KCNH1: variants seen among roughly 807,000 people sequenced by gnomAD.
The protein encoded by KCNH1 is voltage-gated delayed rectifier potassium channel KCNH1.
Under a neutral mutation model 69.2 loss-of-function variants are expected in KCNH1, and 27 were observed. That is an observed-to-expected ratio of 0.39 (90% CI 0.29 to 0.54). KCNH1 has a LOEUF of 0.54. Ranked by LOEUF, KCNH1 falls within the 20% of genes least tolerant of loss-of-function variation. The pLI, the probability that KCNH1 is intolerant of heterozygous loss-of-function variation, is 0.68. For synonymous variants in KCNH1, 456 were observed against 487.7 expected (o/e 0.93, Z 0.86); for missense variants, 798 against 1,261.6 (o/e 0.63, Z 5.57).
At chr1:210,868,582 A>T (rs1282020164) in intron 7 of KCNH1, among the ~76,000 whole-genome samples, 1 of 152,032 alleles carries the variant, frequency 6.6e-6, no homozygotes, top group Non-Finnish European at 1.5e-5. Context: ...GTTGAAGTTC[A>T]TTTTTTGTAT....
At chr1:211,128,166 G>A (rs1691814859) in intron 1 of KCNH1, among the ~76,000 whole-genome samples, 2 of 151,782 alleles carry the variant, frequency 1.3e-5, no homozygotes, top group African/African-American at 2.4e-5. Context: ...GTGCACACCT[G>A]TAATCCCAGC....
At chr1:210,984,285 C>T (rs2102381430) in intron 6 of KCNH1, among the ~76,000 whole-genome samples, 1 of 152,246 alleles carries the variant, frequency 6.6e-6, no homozygotes, top group South Asian at 2.1e-4. Flanking sequence ...TGCCTGATTG[C>T]CCTGGCCAGA....
chr1:210,896,068 T>C (rs1686859954), intron 7 of KCNH1, among the ~76,000 whole-genome samples: 1 of 152,198 alleles, frequency 6.6e-6, no homozygotes, highest in Non-Finnish European at 1.5e-5. Context: ...TAGGAGGTTT[T>C]ATACCAACAA....
intron 10 of KCNH1, among the ~76,000 whole-genome samples, chr1:210,703,913 C>T (rs578000259): frequency 3.9e-5 from 6 of 152,290 alleles, no homozygotes; most frequent in African/African-American, 1.4e-4. Flanking sequence ...AATTCAGGCA[C>T]CAGCAAGGGG....
rs189231068 is a variant in KCNH1 at position 210,698,134 on chromosome 1, G to T, written c.2113-13996C>A. On this transcript the variant is annotated intron_variant, in intron 10 of 10. Coordinates refer to ENST00000271751, the MANE Select transcript of KCNH1 (RefSeq NM_172362.3). ...CTTAAGTATTTCAGTTGACCTAAAG[G>T]TTGAAAGCAGTTAAGGATCTGGACA... 3.5e-3 allele frequency among the ~76,000 whole-genome samples: 540 copies of T among 152,282 alleles called. 9 individuals are homozygous for T. The highest frequency in any genetic ancestry group is 0.013 in the African/African-American group (523 of 41,560).
chr1:211,014,371 T>C (rs1689454788), intron 6 of KCNH1, among the ~76,000 whole-genome samples: 1 of 152,162 alleles, frequency 6.6e-6, no homozygotes, highest in Non-Finnish European at 1.5e-5. Flanking sequence ...CTCCGAACAT[T>C]TTAACTAATG....
In KCNH1 at chr1:211,107,365, A is replaced by G; in HGVS notation, c.92T>C (p.Val31Ala). 1 of 1,596,052 alleles carries G rather than the reference A, an allele frequency of 6.3e-7. No homozygotes were observed. The highest frequency in any genetic ancestry group is 8.5e-7 in the Non-Finnish European group (1 of 1,174,538). ...IVRRSNDTNF[V>A]LGNAQIVDWP... ...GTCCACTATCTGAGCATTCCCCAAC[A>G]CAAAATTAGTATCTGTTAAAAAAAA... The change falls in exon 2 of 11, where the codon GTG (valine) becomes GCG (alanine). Residue 31 changes from valine to alanine, a missense_variant. Physicochemically the swap from Val to Ala is moderately conservative, Grantham distance 64 (BLOSUM62 0). Coordinates refer to ENST00000271751, the MANE Select transcript of KCNH1 (RefSeq NM_172362.3).
chr1:210,982,952 G>C (rs985813752), intron 6 of KCNH1, among the ~76,000 whole-genome samples: 2 of 152,144 alleles, frequency 1.3e-5, no homozygotes, highest in Admixed American at 6.5e-5. Context: ...ACTTTTTAAT[G>C]ATCGCCATTC....
intron 1 of KCNH1, among the ~76,000 whole-genome samples, chr1:211,125,849 A>T (rs548594090): frequency 6.6e-6 from 1 of 152,264 alleles, no homozygotes; most frequent in Non-Finnish European, 1.5e-5. Flanking sequence ...TCAGAACATC[A>T]GTTTCATGCA....
intron 5 of KCNH1, among the ~76,000 whole-genome samples, chr1:211,048,771 C>G (rs1690139127): frequency 6.6e-6 from 1 of 152,128 alleles, no homozygotes; most frequent in African/African-American, 2.4e-5. Flanking sequence ...GTGTACCAAA[C>G]CTCAGAAATC....
At chr1:210,873,869 A>T (rs1445542432) in intron 7 of KCNH1, among the ~76,000 whole-genome samples, 4 of 152,226 alleles carry the variant, frequency 2.6e-5, no homozygotes, top group Admixed American at 2.6e-4. Context: ...TAGTGAAAAA[A>T]TAGATAAATA....
rs1681272361 is a variant in KCNH1 at position 210,681,755 on chromosome 1, C to T, written c.*1526G>A. The T allele has an allele frequency of 6.6e-6, 1 of 152,258 alleles. No homozygotes were observed. The highest frequency in any genetic ancestry group is 1.5e-5 in the Non-Finnish European group (1 of 68,082). The allele number at this position is 152,258 out of a possible 1,614,324, so 9.4% of individuals were successfully genotyped here. A position where few individuals can be genotyped will look rare whatever the true frequency, so the allele number is the denominator to read the frequency against. ...GGATAAGTCCATGCTGTCACCTGTA[C>T]TCCTAATTCCATTCCCTCCAAGTTG... is the stretch of plus-strand genomic sequence containing the variant. On this transcript the variant is annotated 3_prime_UTR_variant, in exon 11 of 11. Transcript: ENST00000271751.
intron 7 of KCNH1, among the ~76,000 whole-genome samples, chr1:210,823,311 C>T (rs2102429010): frequency 6.6e-6 from 1 of 152,254 alleles, no homozygotes; most frequent in South Asian, 2.1e-4. Context: ...AGAACTGATT[C>T]CCAGTTGTGC....
chr1:210,727,518 G>T (rs573524097), intron 10 of KCNH1, among the ~76,000 whole-genome samples: 1 of 152,186 alleles, frequency 6.6e-6, no homozygotes, highest in Non-Finnish European at 1.5e-5. Flanking sequence ...ACTTTTCATT[G>T]TCCACGAGGA....
chr1:210,871,666 A>T lies in KCNH1; in HGVS notation c.1462+47974T>A, dbSNP rs985134812. Among the ~76,000 whole-genome samples, 148 of 152,164 alleles carry T rather than the reference A, an allele frequency of 9.7e-4. 1 individual carries two copies. The highest frequency in any genetic ancestry group is 3.3e-3 in the African/African-American group (137 of 41,510). On this transcript the variant is annotated intron_variant, in intron 7 of 10. Transcript: ENST00000271751. ...TGGAACCAATCCAAATGTCCAACAA[A>T]GATAGACTGGATTAAGAAAATGTGG...
intron 10 of KCNH1, 76 bp from the exon 11 acceptor site, chr1:210,684,214 G>C (rs1018707812): frequency 1.4e-6 from 2 of 1,410,838 alleles, no homozygotes; most frequent in Non-Finnish European, 1.9e-6. Flanking sequence ...CAGCCCTTCT[G>C]CCTATCTTGG....
At chr1:210,750,904 G>A (rs1683269728) in intron 10 of KCNH1, among the ~76,000 whole-genome samples, 1 of 152,022 alleles carries the variant, frequency 6.6e-6, no homozygotes, top group Non-Finnish European at 1.5e-5. Flanking sequence ...ACACAATTGA[G>A]GTTAAGAACT....
chr1:210,712,652 C>A (rs1258642214), intron 10 of KCNH1, among the ~76,000 whole-genome samples: 1 of 152,170 alleles, frequency 6.6e-6, no homozygotes, highest in African/African-American at 2.4e-5. Flanking sequence ...AAAGTGATGG[C>A]AGAACTTGCT....
rs371005665 is a variant in KCNH1, at chr1:210,781,786, C to T, written c.1916-6242G>A. Among the ~76,000 whole-genome samples, 54 of 152,350 alleles carry T rather than the reference C, an allele frequency of 3.5e-4. No individual in the cohort carries two copies. In the South Asian group the frequency reaches 0.011, roughly 32 times the overall value. ...TCCTCCTCCCCAGTACTGCCCTCAACACGTTTTCCAAGAACTTGATCATCT... is the reference window on the plus strand; with the variant it reads ...TCCTCCTCCCCAGTACTGCCCTCAATACGTTTTCCAAGAACTTGATCATCT... On this transcript the variant is annotated intron_variant, in intron 9 of 10. Transcript: ENST00000271751.
Sources: gnomAD v4.1 joint callset for allele counts (sites outside exome capture counted in the v4.1 genomes callset) on GRCh38, gnomAD v4.1.1 for gene constraint, MANE v1.5 for transcripts, NCBI Gene and HGNC (gene_info 2026-07-23, HGNC 2026-07-21) for gene names.